The following CNTNAP5 variants were observed in gnomAD, a reference collection of about 807,000 sequenced individuals.
CNTNAP5 encodes the protein contactin associated protein family member 5.
In CNTNAP5, 72 loss-of-function variants were observed where a neutral mutation model predicts 150.2. The observed-to-expected ratio is 0.48, with a 90% CI of 0.40 to 0.58. The LOEUF is 0.58. CNTNAP5 is among the 20% of genes least tolerant of loss of function. The pLI is 0.00. For missense variants in CNTNAP5, 1,636 were observed against 1,626.2 expected, an observed-to-expected ratio of 1.01 and a Z score of -0.10; for synonymous variants, 672 against 619.8, an observed-to-expected ratio of 1.08 and a Z score of -1.25.
At chr2:124,508,515 A>G (rs548423050) in intron 8 of CNTNAP5, among the ~76,000 whole-genome samples, 1 of 152,316 alleles carries the variant, frequency 6.6e-6, no homozygotes, top group East Asian at 1.9e-4. Context: ...CATTGCTCTT[A>G]AAAATCCAGG....
chr2:124,609,308 G>A (rs1345491431), intron 11 of CNTNAP5, among the ~76,000 whole-genome samples: 1 of 152,184 alleles, frequency 6.6e-6, no homozygotes, highest in African/African-American at 2.4e-5. Context: ...GGAAAATAAG[G>A]CTGGGCCTGG....
intron 1 of CNTNAP5, among the ~76,000 whole-genome samples, chr2:124,090,486 C>T (rs1235645883): frequency 6.6e-6 from 1 of 152,080 alleles, no homozygotes; most frequent in African/African-American, 2.4e-5. Context: ...TTGACTAGCT[C>T]TTTTATGTTT....
chr2:124,237,220 G>T (rs1686773947), intron 2 of CNTNAP5, among the ~76,000 whole-genome samples: 1 of 152,142 alleles, frequency 6.6e-6, no homozygotes, highest in Admixed American at 6.5e-5. Context: ...AGTTGGTCTT[G>T]GACTAAATGT....
chr2:124,104,026 A>G (rs1476444030), intron 1 of CNTNAP5, among the ~76,000 whole-genome samples: 2 of 148,052 alleles, frequency 1.4e-5, no homozygotes, highest in Non-Finnish European at 1.5e-5. Flanking sequence ...TTATAAATAT[A>G]TGTATACATT....
intron 7 of CNTNAP5, among the ~76,000 whole-genome samples, chr2:124,496,603 C>T (rs1239099364): frequency 3.9e-5 from 6 of 152,142 alleles, no homozygotes; most frequent in Non-Finnish European, 7.3e-5. Flanking sequence ...CCCTTGGAAG[C>T]GTCACACATA....
At chr2:124,328,328 C>T (rs1689270808) in intron 3 of CNTNAP5, among the ~76,000 whole-genome samples, 1 of 152,164 alleles carries the variant, frequency 6.6e-6, no homozygotes, top group African/African-American at 2.4e-5. Flanking sequence ...TCCTTAGCTT[C>T]CATGCATGAG....
chr2:124,329,903 A>T (rs1689307013), intron 3 of CNTNAP5, among the ~76,000 whole-genome samples: 1 of 152,192 alleles, frequency 6.6e-6, no homozygotes, highest in African/African-American at 2.4e-5. Flanking sequence ...GAAGGCAGTC[A>T]GTTGAGAAGA....
intron 3 of CNTNAP5, among the ~76,000 whole-genome samples, chr2:124,299,452 T>A (rs766362266): frequency 4.4e-4 from 67 of 152,332 alleles, no homozygotes; most frequent in Non-Finnish European, 8.2e-4. Flanking sequence ...GGTTTTCTGT[T>A]CCTGCGTTAG....
intron 13 of CNTNAP5, among the ~76,000 whole-genome samples, chr2:124,656,740 C>T (rs1488364453): frequency 1.3e-5 from 2 of 152,142 alleles, no homozygotes; most frequent in African/African-American, 2.4e-5. Flanking sequence ...TCAGACACTA[C>T]ATAAAATAAA....
At chr2:124,428,929 G>A (rs1439740059) in intron 4 of CNTNAP5, among the ~76,000 whole-genome samples, 11 of 152,114 alleles carry the variant, frequency 7.2e-5, no homozygotes, top group Admixed American at 7.2e-4. Context: ...CTGCCATAAA[G>A]AGCCCATGTC....
chr2:124,771,421 A>G (rs1681189057), intron 16 of CNTNAP5, among the ~76,000 whole-genome samples: 1 of 152,030 alleles, frequency 6.6e-6, no homozygotes, highest in Admixed American at 6.6e-5. Context: ...CAACATCGTG[A>G]AGAACCCTGC....
chr2:124,445,548 T>G (rs2104805245), intron 5 of CNTNAP5, among the ~76,000 whole-genome samples: 1 of 152,342 alleles, frequency 6.6e-6, no homozygotes, highest in East Asian at 1.9e-4. Flanking sequence ...TCATCAGCTC[T>G]ACTTTTCTAA....
At chr2:124,836,695 A>T (rs1558794827) in intron 19 of CNTNAP5, among the ~76,000 whole-genome samples, 1 of 152,016 alleles carries the variant, frequency 6.6e-6, no homozygotes, top group Non-Finnish European at 1.5e-5. Flanking sequence ...TGTTCTGCTG[A>T]TGAATTCTCA....
intron 12 of CNTNAP5, among the ~76,000 whole-genome samples, chr2:124,632,889 G>T (rs1677893518): frequency 6.6e-6 from 1 of 152,064 alleles, no homozygotes; most frequent in Non-Finnish European, 1.5e-5. Flanking sequence ...TGTCTTACAT[G>T]TCCAAAGCTG....
chr2:124,571,049 T>C (rs1696141680), intron 11 of CNTNAP5, among the ~76,000 whole-genome samples: 2 of 152,208 alleles, frequency 1.3e-5, no homozygotes, highest in Non-Finnish European at 2.9e-5. Flanking sequence ...TTATGAGGAC[T>C]GAGTAAAACA....
At chr2:124,911,918 G>C (rs1309194334) in intron 23 of CNTNAP5, among the ~76,000 whole-genome samples, 1 of 152,070 alleles carries the variant, frequency 6.6e-6, no homozygotes, top group Non-Finnish European at 1.5e-5. Flanking sequence ...GCAGACAATG[G>C]GTGAAGCCGC....
intron 7 of CNTNAP5, among the ~76,000 whole-genome samples, chr2:124,483,982 CT>C (rs1303550306): frequency 1.3e-5 from 2 of 152,170 alleles, no homozygotes; most frequent in Non-Finnish European, 2.9e-5. Flanking sequence ...GTTTCTCCAT[CT>C]TGATCACTCA....
At chr2:124,151,161 T>A (rs559933677) in intron 1 of CNTNAP5, among the ~76,000 whole-genome samples, 1 of 152,080 alleles carries the variant, frequency 6.6e-6, no homozygotes, top group East Asian at 1.9e-4. Context: ...GTCCAATGAG[T>A]ACAAGGGAGA....
At chr2:124,767,337 G>A (rs1681089548) in intron 16 of CNTNAP5, among the ~76,000 whole-genome samples, 1 of 152,090 alleles carries the variant, frequency 6.6e-6, no homozygotes, top group Admixed American at 6.6e-5. Context: ...GAATTTCGTA[G>A]CCCATACTCT....
Sources: allele counts gnomAD v4.1 joint callset (sites outside exome capture counted in the v4.1 genomes callset), GRCh38; gene constraint gnomAD v4.1.1; transcripts MANE v1.5; gene names NCBI Gene and HGNC (gene_info 2026-07-23, HGNC 2026-07-21).